Variants in LGR5 observed in about 807,000 individuals in gnomAD.
LGR5 encodes leucine rich repeat containing G protein-coupled receptor 5, also known as leucine-rich repeat-containing G protein-coupled receptor 5.
Under a neutral mutation model 76.7 loss-of-function variants are expected in LGR5, and 54 were observed. The ratio of observed to expected loss-of-function variants is 0.70; its 90% CI spans 0.57 to 0.88. The LOEUF (loss-of-function observed/expected upper bound fraction) is 0.88. Ranked by LOEUF, LGR5 falls within the 40% of genes least tolerant of loss-of-function variation. The pLI is 0.00. For missense variants in LGR5, 1,078 were observed against 1,073.3 expected (o/e 1.00, Z -0.06); for synonymous variants, 406 against 421.9 (o/e 0.96, Z 0.46).
chr12:71,581,394 C>G (rs1225845085), intron 16 of LGR5, among the ~76,000 whole-genome samples: 1 of 152,238 alleles, frequency 6.6e-6, no homozygotes, highest in African/African-American at 2.4e-5. Context: ...GGGCACCACC[C>G]CCTGCCTTCC....
At position 71,585,292 on chromosome 12, in the gene LGR5, G is replaced by T. The variant is rs555863237; in HGVS notation, c.*558G>T. The T allele has an allele frequency of 6.5e-6, 1 of 153,984 alleles. No homozygotes were observed. The highest frequency in any genetic ancestry group is 1.4e-5 in the Non-Finnish European group (1 of 69,296). 9.5% of individuals were successfully genotyped at this position (153,984 alleles called of 1,614,324 possible). A position where few individuals can be genotyped will look rare whatever the true frequency, so the allele number is the denominator to read the frequency against. The stretch of plus-strand genomic sequence containing the variant: ...TTCTAAGGCACAAATCCCTTAGATG[G>T]ATAATGTAAGGTATTGTTAACTCAC... On this transcript the variant is annotated 3_prime_UTR_variant, in exon 18 of 18. Coordinates refer to ENST00000266674, the MANE Select transcript of LGR5 (RefSeq NM_003667.4).
At chr12:71,458,187 G>A (rs1248396560) in intron 1 of LGR5, among the ~76,000 whole-genome samples, 2 of 152,056 alleles carry the variant, frequency 1.3e-5, no homozygotes, top group Non-Finnish European at 2.9e-5. Flanking sequence ...TGTTGTAGTA[G>A]ATATGGTATC....
intron 3 of LGR5, among the ~76,000 whole-genome samples, chr12:71,527,380 A>C (rs1372830012): frequency 6.6e-6 from 1 of 152,210 alleles, no homozygotes; most frequent in Non-Finnish European, 1.5e-5. Context: ...GGGAAGTCCA[A>C]GATCAAGGTG....
At chr12:71,501,608 A>G (rs4309243) in intron 1 of LGR5, among the ~76,000 whole-genome samples, 14,236 of 152,290 alleles carry the variant, frequency 0.093, 710 homozygotes, top group Non-Finnish European at 0.11. Flanking sequence ...CCCAGGCCAC[A>G]GCTGTTTTTA....
chr12:71,566,345 A>G, intron 8 of LGR5, 59 bp from the exon 9 acceptor site: 2 of 1,075,320 alleles, frequency 1.9e-6, no homozygotes, highest in Admixed American at 1.9e-5. Context: ...AATTTTGAAC[A>G]GATATTCATC....
chr12:71,459,703 T>TA (rs1421211840), intron 1 of LGR5, among the ~76,000 whole-genome samples: 2 of 152,064 alleles, frequency 1.3e-5, no homozygotes, highest in East Asian at 3.8e-4. Context: ...AAAAGTAGTG[T>TA]AGTGGTTAAG....
In LGR5 at chr12:71,583,955, G is replaced by A; in HGVS notation, c.1945G>A (p.Glu649Lys). Residue 649 changes from glutamate to lysine, a missense_variant, in exon 18 of 18, where the codon GAA becomes AAA. Transcript: ENST00000266674. ...TGGTTTTTTGTCCATTTTTGCTTCA[G>A]AATCATCTGTTTTCCTGCTTACTCT... is the stretch of plus-strand genomic sequence containing the variant. ...VIGFLSIFAS[E>K]SSVFLLTLAA... 1 of 1,614,184 alleles carries A rather than the reference G, an allele frequency of 6.2e-7. No individual in the cohort carries two copies. The highest frequency in any genetic ancestry group is 1.1e-5 in the South Asian group (1 of 91,084).
intron 1 of LGR5, chr12:71,441,692 C>T (rs1592445519): frequency 2.0e-5 from 3 of 152,084 alleles, no homozygotes; most frequent in Non-Finnish European, 4.4e-5. Flanking sequence ...GATGGCAGGT[C>T]GCCTCCTCCT....
At chr12:71,573,919 A>AAAC (rs890567795) in intron 13 of LGR5, among the ~76,000 whole-genome samples, 2 of 151,196 alleles carry the variant, frequency 1.3e-5, no homozygotes, top group African/African-American at 4.9e-5. Context: ...TACTTAAAAA[A>AAAC]AAAAAGTGTA....
intron 3 of LGR5, among the ~76,000 whole-genome samples, chr12:71,530,996 G>GAAA (rs35134425): frequency 0.019 from 2,592 of 138,626 alleles, 51 homozygotes; most frequent in African/African-American, 0.047. Flanking sequence ...GTCCTGTTGG[G>GAAA]AAAAAAAAAA....
intron 1 of LGR5, among the ~76,000 whole-genome samples, chr12:71,488,525 G>A (rs1245394899): frequency 6.6e-6 from 1 of 152,208 alleles, no homozygotes; most frequent in Non-Finnish European, 1.5e-5. Context: ...GGCCATGGAA[G>A]GTTTGATCAT....
intron 13 of LGR5, among the ~76,000 whole-genome samples, chr12:71,575,174 C>T (rs1273531103): frequency 6.6e-6 from 1 of 152,078 alleles, no homozygotes; most frequent in African/African-American, 2.4e-5. Flanking sequence ...ATAATACCTA[C>T]CTCTTAGGGT....
chr12:71,554,004 T>G (rs543465073), intron 5 of LGR5, among the ~76,000 whole-genome samples: 1 of 151,900 alleles, frequency 6.6e-6, no homozygotes, highest in East Asian at 1.9e-4. Context: ...GGCCGGAGGA[T>G]CAATTGAACC....
At chr12:71,450,493 A>T (rs1872202675) in intron 1 of LGR5, among the ~76,000 whole-genome samples, 1 of 152,132 alleles carries the variant, frequency 6.6e-6, no homozygotes, top group Non-Finnish European at 1.5e-5. Flanking sequence ...TTTTTTGGTA[A>T]AAATGGGAGT....
At chr12:71,550,570 C>T (rs2137404785) in intron 4 of LGR5, among the ~76,000 whole-genome samples, 1 of 151,934 alleles carries the variant, frequency 6.6e-6, no homozygotes, top group Non-Finnish European at 1.5e-5. Flanking sequence ...AAGCGATTCT[C>T]CTGCCTCAGC....
intron 4 of LGR5, among the ~76,000 whole-genome samples, chr12:71,540,375 A>G (rs1403667609): frequency 6.6e-6 from 1 of 152,212 alleles, no homozygotes; most frequent in East Asian, 1.9e-4. Flanking sequence ...GCAAATAGAA[A>G]ATGAAAGAAG....
chr12:71,456,910 G>A (rs1872504880), intron 1 of LGR5, among the ~76,000 whole-genome samples: 2 of 152,168 alleles, frequency 1.3e-5, no homozygotes, highest in East Asian at 1.9e-4. Flanking sequence ...CCTGTCTTGG[G>A]TAACGTAACT....
At chr12:71,478,754 C>T (rs1873451709) in intron 1 of LGR5, among the ~76,000 whole-genome samples, 1 of 152,100 alleles carries the variant, frequency 6.6e-6, no homozygotes, top group African/African-American at 2.4e-5. Context: ...AATTCAGGGG[C>T]TATCTTGTAA....
intron 1 of LGR5, among the ~76,000 whole-genome samples, chr12:71,450,825 C>T (rs952514331): frequency 6.6e-6 from 1 of 152,156 alleles, no homozygotes; most frequent in African/African-American, 2.4e-5. Flanking sequence ...TACGCACACA[C>T]TCCCTACTAT....
Sources: allele counts gnomAD v4.1 joint callset (sites outside exome capture counted in the v4.1 genomes callset), GRCh38; gene constraint gnomAD v4.1.1; transcripts MANE v1.5; gene names NCBI Gene and HGNC (gene_info 2026-07-23, HGNC 2026-07-21).